LCOR: variants seen among roughly 807,000 people sequenced by gnomAD.
LCOR encodes ligand-dependent corepressor.
A neutral mutation model predicts 64.4 loss-of-function variants in LCOR; 14 were observed. The ratio of observed to expected loss-of-function variants is 0.22; its 90% CI spans 0.14 to 0.34. LCOR has a LOEUF of 0.34. Among genes scored for constraint, LCOR ranks in the 10% least tolerant of loss-of-function variants. The probability of loss-of-function intolerance (pLI) is 1.00; values close to 1 mark genes in which losing one functional copy is unlikely to be tolerated. For missense variants in LCOR, 1,686 were observed against 1,765.3 expected (o/e 0.96, Z 0.80); for synonymous variants, 643 against 642.5 (o/e 1.00, Z -0.01).
intron 7 of LCOR, chr10:96,959,224 G>A (rs1166518114): frequency 2.0e-5 from 3 of 152,058 alleles, no homozygotes; most frequent in Non-Finnish European, 2.9e-5. Context: ...TGGTCTATTA[G>A]CATGCTTAAT....
intron 2 of LCOR, among the ~76,000 whole-genome samples, chr10:96,879,187 A>C (rs902088804): frequency 6.6e-6 from 1 of 152,166 alleles, no homozygotes; most frequent in Non-Finnish European, 1.5e-5. Flanking sequence ...ATTTAGTCCT[A>C]ATAAAAACAG....
At position 96,990,626 on chromosome 10, in the gene LCOR, G is replaced by A. The variant is rs181395475; in HGVS notation, c.*5492G>A. On this transcript the variant is annotated 3_prime_UTR_variant, in exon 8 of 8. Coordinates refer to ENST00000421806, the MANE Select transcript of LCOR (RefSeq NM_001346516.2). ...GCTTTGCTGTGCTGTGCTGTGTCAT[G>A]CCGTCCTGGGGCCCGGGGAACCACC... is the stretch of plus-strand genomic sequence containing the variant. 4.1e-4 allele frequency: 63 copies of A among 152,470 alleles called. No individual in the cohort carries two copies. The highest frequency in any genetic ancestry group is 1.5e-3 in the African/African-American group (61 of 41,572). 9.4% of individuals were successfully genotyped at this position (152,470 alleles called of 1,614,324 possible).
chr10:96,980,923 G>A lies in LCOR; in HGVS notation c.463G>A (p.Glu155Lys), dbSNP rs1229108559. 1.4e-6 allele frequency: 1 copy of A among 703,020 alleles called. No individual in the cohort carries two copies. The highest frequency in any genetic ancestry group is 1.5e-5 in the South Asian group (1 of 67,596). 43.5% of individuals were successfully genotyped at this position (703,020 alleles called of 1,614,324 possible). ...FIRVLNDLYTESQPGTEDLQP... is the reference protein window; with the variant it reads ...FIRVLNDLYTKSQPGTEDLQP... ...TCGTGTTCTGAACGACCTGTACACT[G>A]AATCTCAACCAGGCACTGAGGACCT... The change falls in exon 8 of 8, where the codon GAA (glutamate) becomes AAA (lysine). Residue 155 changes from glutamate (E) to lysine (K), a missense_variant. Physicochemically the swap from Glu to Lys is moderately conservative, Grantham distance 56 (BLOSUM62 1). Coordinates refer to ENST00000421806, the MANE Select transcript of LCOR (RefSeq NM_001346516.2).
intron 4 of LCOR, among the ~76,000 whole-genome samples, chr10:96,911,745 GCTTA>G (rs1281133404): frequency 6.6e-6 from 1 of 152,184 alleles, no homozygotes; most frequent in Admixed American, 6.5e-5. Context: ...TCAGTTACCT[GCTTA>G]CTTCTTTCCT....
chr10:96,880,936 A>T (rs1003715792), intron 2 of LCOR, among the ~76,000 whole-genome samples: 26 of 152,254 alleles, frequency 1.7e-4, no homozygotes, highest in African/African-American at 5.8e-4. Flanking sequence ...AATATAACTA[A>T]TATTGAAGAT....
At chr10:96,957,780 A>T in intron 7 of LCOR, 1 of 985,520 alleles carries the variant, frequency 1.0e-6, no homozygotes, top group Non-Finnish European at 1.2e-6. Context: ...AAATACATGC[A>T]CTGCTCATTC....
chr10:96,887,048 G>A lies in LCOR; in HGVS notation c.-329-20217G>A, dbSNP rs546417180. 4.6e-5 allele frequency among the ~76,000 whole-genome samples: 7 copies of A among 152,280 alleles called. No homozygotes were observed. The South Asian group carries it at 1.5e-3, about 32-fold the overall frequency. ...GGTGGTTCCTGAGACTTAGGGATCA[G>A]AAAGGTCAGAATTCTTTTCATGATG... On this transcript the variant is annotated intron_variant, in intron 2 of 7. Coordinates refer to ENST00000421806, the MANE Select transcript of LCOR (RefSeq NM_001346516.2).
intron 4 of LCOR, among the ~76,000 whole-genome samples, chr10:96,908,566 G>A (rs1262621259): frequency 2.0e-5 from 3 of 151,676 alleles, no homozygotes; most frequent in Non-Finnish European, 4.4e-5. Flanking sequence ...TGTATTTGTT[G>A]TTTTATTGCT....
At chr10:96,959,428 A>AT (rs1847845979) in intron 7 of LCOR, 1 of 152,106 alleles carries the variant, frequency 6.6e-6, no homozygotes, top group Non-Finnish European at 1.5e-5. Flanking sequence ...ATTTAAAATA[A>AT]TTTTTTGCAT....
chr10:96,863,974 A>G (rs1158152396), intron 2 of LCOR, among the ~76,000 whole-genome samples: 2 of 152,098 alleles, frequency 1.3e-5, no homozygotes, highest in African/African-American at 2.4e-5. Context: ...GTTGGTAGGA[A>G]TGTCACTTTG....
intron 1 of LCOR, chr10:96,833,030 A>G (rs1005692845): frequency 3.0e-6 from 3 of 985,590 alleles, no homozygotes; most frequent in South Asian, 9.4e-5. Context: ...TGACCGAGCC[A>G]AGTGGGGTGT....
intron 2 of LCOR, among the ~76,000 whole-genome samples, chr10:96,853,356 C>T (rs1357250657): frequency 6.6e-6 from 1 of 152,130 alleles, no homozygotes; most frequent in East Asian, 1.9e-4. Context: ...CTGTTGTCAC[C>T]TTTTAACATC....
At chr10:96,876,962 A>G (rs201902820) in intron 2 of LCOR, among the ~76,000 whole-genome samples, 2 of 152,110 alleles carry the variant, frequency 1.3e-5, no homozygotes, top group Non-Finnish European at 2.9e-5. Context: ...CCCAAAGTGC[A>G]GGGATTACAG....
At chr10:96,955,970 G>C (rs752760878) in intron 7 of LCOR, 1 of 1,558,876 alleles carries the variant, frequency 6.4e-7, no homozygotes, top group Admixed American at 2.0e-5. Context: ...GAGCACTACT[G>C]CATCATTGTT....
At chr10:96,873,333 A>G (rs1846103581) in intron 2 of LCOR, among the ~76,000 whole-genome samples, 1 of 152,138 alleles carries the variant, frequency 6.6e-6, no homozygotes, top group South Asian at 2.1e-4. Flanking sequence ...TTAACTTTCC[A>G]TTTTAGACAG....
chr10:96,959,081 G>A (rs536953164), intron 7 of LCOR: 3 of 151,938 alleles, frequency 2.0e-5, no homozygotes, highest in East Asian at 3.9e-4. Flanking sequence ...CTCATCACAC[G>A]GCTGGTGGCA....
rs1336033682 is a variant in LCOR, at chr10:96,995,063, C to T, written c.*9929C>T. On this transcript the variant is annotated 3_prime_UTR_variant, in exon 8 of 8. Coordinates refer to ENST00000421806, the MANE Select transcript of LCOR (RefSeq NM_001346516.2). The surrounding 1 kb of genome is among the most constrained non-coding windows in gnomAD (Gnocchi z 4.2). ...CAATTTAACTGAAGCTCAGGTGCCA[C>T]GTTGGATTTTTATTCTTATTAGGCC... 1.3e-5 allele frequency: 2 copies of T among 152,232 alleles called. No individual in the cohort carries two copies. Among genetic ancestry groups the T allele is most frequent in the South Asian group, 2.1e-4 (1 of 4,832 alleles). 9.4% of individuals were successfully genotyped at this position (152,232 alleles called of 1,614,324 possible).
chr10:96,882,165 A>C (rs904688207), intron 2 of LCOR, among the ~76,000 whole-genome samples: 9 of 152,242 alleles, frequency 5.9e-5, no homozygotes, highest in Non-Finnish European at 1.3e-4. Context: ...CCCAAAACAA[A>C]AAAAAAGTGG....
intron 4 of LCOR, among the ~76,000 whole-genome samples, chr10:96,938,655 A>G (rs878860453): frequency 6.6e-6 from 1 of 152,214 alleles, no homozygotes; most frequent in African/African-American, 2.4e-5. Flanking sequence ...TTTACAAAAC[A>G]CTATTAGAGT....
Sources: allele counts gnomAD v4.1 joint callset (sites outside exome capture counted in the v4.1 genomes callset), GRCh38; gene constraint gnomAD v4.1.1; non-coding constraint Gnocchi (gnomAD v3.1); transcripts MANE v1.5; gene names NCBI Gene and HGNC (gene_info 2026-07-23, HGNC 2026-07-21).